The following ANAPC1 variants were observed in gnomAD, a reference collection of about 807,000 sequenced individuals.
ANAPC1 encodes anaphase promoting complex subunit 1.
In ANAPC1, 36 loss-of-function variants were observed where a neutral mutation model predicts 208.0. That is an observed-to-expected ratio of 0.17 (90% CI 0.13 to 0.23). The LOEUF is 0.23. Ranked by LOEUF, ANAPC1 falls within the 10% of genes least tolerant of loss-of-function variation. The probability of loss-of-function intolerance (pLI) is 1.00; values close to 1 mark genes in which losing one functional copy is unlikely to be tolerated. For missense variants in ANAPC1, 942 were observed against 2,011.6 expected (o/e 0.47, Z 10.17); for synonymous variants, 378 against 695.2 (o/e 0.54, Z 7.18).
chr2:111,845,585 T>C (rs1681009197), intron 16 of ANAPC1, among the ~76,000 whole-genome samples: 1 of 152,196 alleles, frequency 6.6e-6, no homozygotes, highest in Non-Finnish European at 1.5e-5. Flanking sequence ...GTAAGATTTT[T>C]TGTTTTCATT....
chr2:111,854,332 T>G (rs1238296770), intron 13 of ANAPC1, among the ~76,000 whole-genome samples: 2 of 152,188 alleles, frequency 1.3e-5, no homozygotes, highest in African/African-American at 4.8e-5. Context: ...GCATCCAGTC[T>G]TTGTTACTCC....
rs543525009 is a variant in ANAPC1, at chr2:111,791,626, A to G, written c.4712+736T>C. Among the ~76,000 whole-genome samples the G allele has an allele frequency of 6.1e-3, 918 of 151,308 alleles. 6 individuals carry two copies. The highest frequency in any genetic ancestry group is 0.014 in the Middle Eastern group (4 of 286). ...ATACAACATGAATCTTACAAACATA[A>G]TGTTGAGCAAAAGTAAAGTGCAAAA... On this transcript the variant is annotated intron_variant, in intron 38 of 47. Transcript: ENST00000341068.
intron 1 of ANAPC1, among the ~76,000 whole-genome samples, 196 bp from the exon 2 acceptor site, chr2:111,881,045 A>C (rs1214392518): frequency 2.0e-5 from 3 of 150,878 alleles, no homozygotes; most frequent in African/African-American, 7.3e-5. Context: ...TTTTAGTCAC[A>C]GACTGACAGT....
At chr2:111,841,859 C>T (rs11122990) in intron 17 of ANAPC1, among the ~76,000 whole-genome samples, 28,820 of 152,100 alleles carry the variant, frequency 0.19, 3,013 homozygotes, top group Middle Eastern at 0.3. Context: ...AAAACATTCC[C>T]ATTTACTTAT....
intron 17 of ANAPC1, among the ~76,000 whole-genome samples, chr2:111,842,719 A>G (rs1680836507): frequency 6.6e-6 from 1 of 151,998 alleles, no homozygotes; most frequent in Non-Finnish European, 1.5e-5. Flanking sequence ...TACCTGGAAA[A>G]GGGGTAATTA....
At chr2:111,832,625 T>C (rs1467075531) in intron 20 of ANAPC1, among the ~76,000 whole-genome samples, 1 of 152,074 alleles carries the variant, frequency 6.6e-6, no homozygotes, top group Admixed American at 6.6e-5. Flanking sequence ...ACACTACAAG[T>C]CTAAGTTAAA....
At position 111,865,411 on chromosome 2, in the gene ANAPC1, C is replaced by T. The variant is rs1443637692; in HGVS notation, c.686-460G>A. On this transcript the variant is annotated intron_variant, in intron 7 of 47. Coordinates refer to ENST00000341068, the MANE Select transcript of ANAPC1 (RefSeq NM_022662.4). Reference sequence around the variant, plus strand: ...ACTGTTGTTTCTGCTTTACTAGTTACACATGCAAAATAAGGTTTTTCCCAG... The same window carrying T: ...ACTGTTGTTTCTGCTTTACTAGTTATACATGCAAAATAAGGTTTTTCCCAG... 4.6e-5 allele frequency among the ~76,000 whole-genome samples: 7 copies of T among 152,054 alleles called. No homozygotes were observed. In the East Asian group the frequency reaches 1.3e-3, roughly 29 times the overall value.
chr2:111,879,875 G>GAA (rs1333149249), intron 2 of ANAPC1, among the ~76,000 whole-genome samples: 10 of 143,956 alleles, frequency 6.9e-5, no homozygotes, highest in South Asian at 2.2e-4. Flanking sequence ...TCCGTCTCAG[G>GAA]AAAAAAAAAA....
intron 38 of ANAPC1, among the ~76,000 whole-genome samples, chr2:111,790,781 T>G (rs1282215178): frequency 6.6e-6 from 1 of 151,650 alleles, no homozygotes; most frequent in Non-Finnish European, 1.5e-5. Flanking sequence ...CAAAGATAGC[T>G]GCAACAAACA....
chr2:111,806,882 GA>G (rs1678706999), intron 29 of ANAPC1, among the ~76,000 whole-genome samples: 1 of 141,784 alleles, frequency 7.1e-6, no homozygotes, highest in Non-Finnish European at 1.5e-5. Context: ...ATCCCTATAG[GA>G]AAAAAATGCA....
At chr2:111,882,716 G>A (rs4848215) in intron 1 of ANAPC1, among the ~76,000 whole-genome samples, 88,933 of 149,688 alleles carry the variant, frequency 0.59, 27,475 homozygotes, top group South Asian at 0.69. Context: ...CAGCCTGGGG[G>A]ACAAGAGCAA....
At chr2:111,793,315 T>G (rs1677991761) in intron 37 of ANAPC1, among the ~76,000 whole-genome samples, 1 of 151,562 alleles carries the variant, frequency 6.6e-6, no homozygotes, top group African/African-American at 2.4e-5. Flanking sequence ...AGCCTCAACC[T>G]CCTGGGGTCA....
chr2:111,831,065 C>T (rs1680100478), intron 21 of ANAPC1, among the ~76,000 whole-genome samples: 1 of 152,184 alleles, frequency 6.6e-6, no homozygotes, highest in Non-Finnish European at 1.5e-5. Flanking sequence ...ATGCGATGAA[C>T]TGTCGATACA....
chr2:111,847,461 T>C (rs113330233), intron 15 of ANAPC1, among the ~76,000 whole-genome samples: 8,146 of 152,286 alleles, frequency 0.053, 692 homozygotes, highest in African/African-American at 0.18. Flanking sequence ...TTACTTTTAA[T>C]GAGAAGACAA....
intron 6 of ANAPC1, among the ~76,000 whole-genome samples, chr2:111,871,153 T>C (rs1422930763): frequency 1.3e-5 from 2 of 152,232 alleles, no homozygotes; most frequent in East Asian, 3.8e-4. Flanking sequence ...AGGATTGTTT[T>C]GGCTATTTTG....
At chr2:111,865,594 A>G (rs1682359455) in intron 7 of ANAPC1, among the ~76,000 whole-genome samples, 1 of 152,238 alleles carries the variant, frequency 6.6e-6, no homozygotes, top group Non-Finnish European at 1.5e-5. Flanking sequence ...ACCATCTCAA[A>G]ATATCTACTA....
intron 37 of ANAPC1, among the ~76,000 whole-genome samples, chr2:111,793,003 T>C (rs1677971184): frequency 1.3e-5 from 2 of 152,356 alleles, no homozygotes; most frequent in Admixed American, 6.5e-5. Flanking sequence ...TTATGAAATA[T>C]AAGTTCAACA....
intron 17 of ANAPC1, among the ~76,000 whole-genome samples, chr2:111,841,883 A>G (rs1483874588): frequency 6.6e-6 from 1 of 152,238 alleles, no homozygotes; most frequent in Non-Finnish European, 1.5e-5. Context: ...GAAATAAGAT[A>G]AAATTTCTCA....
chr2:111,850,926 A>G lies in ANAPC1; in HGVS notation c.1516-16T>C. 1 of 1,586,492 alleles carries G rather than the reference A, an allele frequency of 6.3e-7. No individual in the cohort carries two copies. The highest frequency in any genetic ancestry group is 8.5e-7 in the Non-Finnish European group (1 of 1,173,492). On this transcript the variant is annotated splice_polypyrimidine_tract_variant and intron_variant, in intron 13 of 47. Transcript: ENST00000341068. The stretch of plus-strand genomic sequence containing the variant: ...CCTTTCCCACCTTTAAGCAATAAAA[A>G]CATGTGGAAAAAAAAATATTGCCTT...
Sources: allele counts gnomAD v4.1 joint callset (sites outside exome capture counted in the v4.1 genomes callset), GRCh38; gene constraint gnomAD v4.1.1; transcripts MANE v1.5; gene names NCBI Gene and HGNC (gene_info 2026-07-23, HGNC 2026-07-21).